The following PLPPR1 variants were observed in gnomAD, a reference collection of about 807,000 sequenced individuals.
The protein encoded by PLPPR1 is phospholipid phosphatase-related protein type 1.
A neutral mutation model predicts 33.1 loss-of-function variants in PLPPR1; 10 were observed. The observed-to-expected ratio is 0.30, with a 90% confidence interval of 0.19 to 0.51. PLPPR1 has a LOEUF of 0.51. Ranked by LOEUF, PLPPR1 falls within the 20% of genes least tolerant of loss-of-function variation. The pLI, the probability that PLPPR1 is intolerant of heterozygous loss-of-function variation, is 0.97. For missense variants in PLPPR1, 304 were observed against 408.1 expected (o/e 0.74, Z 2.20); for synonymous variants, 151 against 151.0 (o/e 1.00, Z 0.00).
At chr9:101,141,171 A>G (rs567995814) in intron 1 of PLPPR1, among the ~76,000 whole-genome samples, 1 of 152,296 alleles carries the variant, frequency 6.6e-6, no homozygotes, top group African/African-American at 2.4e-5. Flanking sequence ...TACATTGTGA[A>G]GAGAGATCAG....
At chr9:101,076,976 G>C (rs923676716) in intron 1 of PLPPR1, among the ~76,000 whole-genome samples, 5 of 152,212 alleles carry the variant, frequency 3.3e-5, no homozygotes, top group African/African-American at 1.2e-4. Flanking sequence ...TATTTTGTCT[G>C]TGCCACAACT....
At chr9:101,100,534 C>G (rs897259354) in intron 1 of PLPPR1, among the ~76,000 whole-genome samples, 13 of 152,192 alleles carry the variant, frequency 8.5e-5, no homozygotes, top group African/African-American at 2.2e-4. Flanking sequence ...TAAAGTGCAA[C>G]ATCATTATTT....
chr9:101,278,736 G>T lies in PLPPR1; in HGVS notation c.253-7368G>T, dbSNP rs1588108433. 2.6e-5 allele frequency among the ~76,000 whole-genome samples: 4 copies of T among 152,294 alleles called. 1 individual carries two copies. The South Asian group carries it at 8.3e-4, about 32-fold the overall frequency. ...TCCCAGTCCTGGGTGGGACCCTGCA[G>T]TCCCAGACTTCAAGCCTGTGAGGCA... On this transcript the variant is annotated intron_variant, in intron 3 of 7. Transcript: ENST00000374874.
chr9:101,164,137 GAGA>G (rs1825814024), intron 1 of PLPPR1, among the ~76,000 whole-genome samples: 1 of 152,074 alleles, frequency 6.6e-6, no homozygotes, highest in Non-Finnish European at 1.5e-5. Context: ...TATTTTTACA[GAGA>G]AGAAGTTGAT....
At position 101,249,540 on chromosome 9, in the gene PLPPR1, GT is replaced by G. The variant is rs1227736996; in HGVS notation, c.64-20339del. ...AGGGTGGCGCATATAGCATGTTTTT[GT>G]CATTTCTAATTCTGTTGACTCTATA... On this transcript the variant is annotated intron_variant, in intron 2 of 7. Coordinates refer to ENST00000374874, the MANE Select transcript of PLPPR1 (RefSeq NM_207299.2). Among the ~76,000 whole-genome samples, 5 of 152,060 alleles carry G rather than the reference GT, an allele frequency of 3.3e-5. No individual in the cohort carries two copies. In the East Asian group the frequency reaches 9.7e-4, roughly 30 times the overall value.
chr9:101,323,469 C>CAA (rs11339430), intron 7 of PLPPR1, among the ~76,000 whole-genome samples: 29 of 93,774 alleles, frequency 3.1e-4, no homozygotes, highest in South Asian at 1.2e-3. Context: ...AACCCTGTCT[C>CAA]AAAAAAAAAA....
At chr9:101,196,141 C>T (rs967612611) in intron 2 of PLPPR1, among the ~76,000 whole-genome samples, 2 of 151,970 alleles carry the variant, frequency 1.3e-5, no homozygotes, top group Admixed American at 1.3e-4. Context: ...TGTGGCTGGC[C>T]AAGGTATTAG....
chr9:101,305,204 AGT>A (rs35405804), intron 4 of PLPPR1, among the ~76,000 whole-genome samples: 9,099 of 150,090 alleles, frequency 0.061, 357 homozygotes, highest in South Asian at 0.13. Context: ...ATGAGGTAAA[AGT>A]GTGTGTGTGT....
intron 1 of PLPPR1, among the ~76,000 whole-genome samples, chr9:101,174,131 T>TGGG (rs763676611): frequency 6.6e-5 from 10 of 152,076 alleles, no homozygotes; most frequent in Non-Finnish European, 1.3e-4. Flanking sequence ...CATTCTAGCC[T>TGGG]GGGCAACAGA....
At chr9:101,314,997 G>A (rs1414661614) in intron 6 of PLPPR1, among the ~76,000 whole-genome samples, 1 of 152,194 alleles carries the variant, frequency 6.6e-6, no homozygotes, top group Non-Finnish European at 1.5e-5. Flanking sequence ...AGTTACACAT[G>A]TTTCGGGGGT....
chr9:101,037,041 C>T (rs371331974), intron 1 of PLPPR1, among the ~76,000 whole-genome samples: 2 of 152,072 alleles, frequency 1.3e-5, no homozygotes, highest in African/African-American at 2.4e-5. Flanking sequence ...CACCCCATAA[C>T]CTTCTTGCCA....
chr9:101,195,286 A>G (rs1369601988), intron 2 of PLPPR1, among the ~76,000 whole-genome samples: 1 of 152,188 alleles, frequency 6.6e-6, no homozygotes, highest in Non-Finnish European at 1.5e-5. Flanking sequence ...ATTGCATTCC[A>G]CAAATATATT....
rs142575779 is a variant in PLPPR1, at chr9:101,081,344, G to C, written c.-46+52242G>C. Among the ~76,000 whole-genome samples, 56 of 152,084 alleles carry C rather than the reference G, an allele frequency of 3.7e-4. 1 individual carries two copies. The highest frequency in any genetic ancestry group is 1.3e-3 in the African/African-American group (55 of 41,496). ...AAGCAATTCTCTGTCTCAAACGCCT[G>C]CCACCACGCCCAGCTAATTTTTGTA... On this transcript the variant is annotated intron_variant, in intron 1 of 7. Transcript: ENST00000374874.
intron 2 of PLPPR1, among the ~76,000 whole-genome samples, chr9:101,213,167 C>T (rs1026056377): frequency 2.0e-5 from 3 of 152,088 alleles, no homozygotes; most frequent in South Asian, 2.1e-4. Context: ...ATAGTCTACT[C>T]GATCATTCCT....
chr9:101,152,195 T>TAA (rs1831598030), intron 1 of PLPPR1, among the ~76,000 whole-genome samples: 1 of 152,202 alleles, frequency 6.6e-6, no homozygotes, highest in African/African-American at 2.4e-5. Context: ...ATAAATGCCT[T>TAA]ATTTTGAGAA....
At chr9:101,177,038 T>C (rs1397352186) in intron 1 of PLPPR1, among the ~76,000 whole-genome samples, 2 of 152,244 alleles carry the variant, frequency 1.3e-5, no homozygotes, top group East Asian at 1.9e-4. Context: ...TAATATATTT[T>C]GAAATCAGAA....
chr9:101,064,718 A>G (rs1251270519), intron 1 of PLPPR1, among the ~76,000 whole-genome samples: 2 of 152,032 alleles, frequency 1.3e-5, no homozygotes, highest in East Asian at 3.9e-4. Context: ...TTTATAAAAA[A>G]TGTATTTCTT....
At chr9:101,093,167 T>A (rs1830769770) in intron 1 of PLPPR1, among the ~76,000 whole-genome samples, 1 of 152,184 alleles carries the variant, frequency 6.6e-6, no homozygotes, top group South Asian at 2.1e-4. Flanking sequence ...TCAAATTTGA[T>A]AAGAATAACA....
intron 1 of PLPPR1, among the ~76,000 whole-genome samples, chr9:101,146,375 T>C (rs1831522198): frequency 6.6e-6 from 1 of 152,312 alleles, no homozygotes; most frequent in Middle Eastern, 3.4e-3. Context: ...GGATACCTGA[T>C]ATTAAGCCTC....
Sources: allele counts gnomAD v4.1 joint callset (sites outside exome capture counted in the v4.1 genomes callset), GRCh38; gene constraint gnomAD v4.1.1; transcripts MANE v1.5; gene names NCBI Gene and HGNC (gene_info 2026-07-23, HGNC 2026-07-21).